The following IL9R variants were observed in gnomAD, a reference collection of about 807,000 sequenced individuals.
IL9R encodes interleukin-9 receptor.
In IL9R, 54 loss-of-function variants were observed where a neutral mutation model predicts 56.3. The ratio of observed to expected loss-of-function variants is 0.96; its 90% CI spans 0.77 to 1.20. The LOEUF (loss-of-function observed/expected upper bound fraction) is 1.20, where lower values mean the gene tolerates loss of function less well. IL9R is among the 50% of genes most tolerant of loss of function. The pLI, the probability that IL9R is intolerant of heterozygous loss-of-function variation, is 0.00. For synonymous variants in IL9R, 212 were observed against 250.2 expected (o/e 0.85, Z 1.44); for missense variants, 545 against 629.8 (o/e 0.87, Z 1.44).
rs774965233 is a variant in IL9R at position 156,005,439 on chromosome X, G to A, written c.741G>A (p.Glu247=). ...EEERYTGQWS[E]WSQPVCFQAP... ...AGCGTTATACAGGCCAGTGGAGTGA[G>A]TGGAGCCAGCCTGTGTGCTTCCAGG... Residue 247 remains glutamate, a synonymous_variant, in exon 6 of 9, where the codon GAG becomes GAA. Coordinates refer to ENST00000244174, the MANE Select transcript of IL9R (RefSeq NM_002186.3). 1 of 1,613,064 alleles carries A rather than the reference G, an allele frequency of 6.2e-7. No individual in the cohort carries two copies. Among genetic ancestry groups the A allele is most frequent in the Non-Finnish European group, 8.5e-7 (1 of 1,179,854 alleles).
At chrX:155,998,119 G>A (rs913647466) in intron 1 of IL9R, among the ~76,000 whole-genome samples, 6 of 152,038 alleles carry the variant, frequency 3.9e-5, no homozygotes, top group East Asian at 1.9e-4. Flanking sequence ...CCTTTGTGGG[G>A]GTGCCTTTGT....
At chrX:156,002,593 C>T in intron 1 of IL9R, among the ~76,000 whole-genome samples, 1 of 152,246 alleles carries the variant, frequency 6.6e-6, no homozygotes, top group Non-Finnish European at 1.5e-5. Flanking sequence ...GATGACTGTC[C>T]CAGAGAGGAG....
intron 1 of IL9R, among the ~76,000 whole-genome samples, chrX:155,998,881 G>C (rs1469492109): frequency 6.6e-6 from 1 of 152,124 alleles, no homozygotes; most frequent in South Asian, 2.1e-4. Context: ...GTTTTGGGCA[G>C]AGCAGGCGAC....
At chrX:156,004,340 C>T in intron 4 of IL9R, 80 bp from the exon 5 acceptor site, 1 of 1,469,512 alleles carries the variant, frequency 6.8e-7, no homozygotes, top group Non-Finnish European at 9.5e-7. Flanking sequence ...GGGAGTCTTT[C>T]AGACCCCAGT....
At chrX:156,004,399 C>T (rs2067762085) in intron 4 of IL9R, 21 bp from the exon 5 acceptor site, 2 of 1,613,678 alleles carry the variant, frequency 1.2e-6, no homozygotes, top group Non-Finnish European at 1.7e-6. Context: ...TTCAGCCTCA[C>T]ATGGATTCAC....
At chrX:156,003,585 C>T in intron 3 of IL9R, 25 bp downstream of exon 3, 1 of 1,608,636 alleles carries the variant, frequency 6.2e-7, no homozygotes, top group Non-Finnish European at 8.5e-7. Context: ...CCATGCCCAC[C>T]TGGACAGGGA....
intron 1 of IL9R, among the ~76,000 whole-genome samples, chrX:155,998,030 G>A (rs2067256397): frequency 2.0e-5 from 3 of 152,134 alleles, no homozygotes; most frequent in Non-Finnish European, 2.9e-5. Flanking sequence ...GGGTTCTGCT[G>A]TGGCCAGTGT....
At chrX:156,005,800 C>T (rs911235244) in intron 6 of IL9R, among the ~76,000 whole-genome samples, 5 of 152,176 alleles carry the variant, frequency 3.3e-5, no homozygotes, top group South Asian at 4.2e-4. Context: ...CTGACCCTTG[C>T]GCACTGCAGT....
At chrX:155,998,400 G>T (rs918153704) in intron 1 of IL9R, among the ~76,000 whole-genome samples, 121 of 151,882 alleles carry the variant, frequency 8.0e-4, no homozygotes, top group African/African-American at 2.9e-3. Flanking sequence ...TCAGTTTCCT[G>T]GGGTCTGGAT....
At chrX:156,004,346 C>T in intron 4 of IL9R, 74 bp from the exon 5 acceptor site, 1 of 1,510,080 alleles carries the variant, frequency 6.6e-7, no homozygotes, top group South Asian at 1.1e-5. Flanking sequence ...CTTTCAGACC[C>T]CAGTCTTGTG....
rs1315200769 is a variant in IL9R at position 156,003,673 on chromosome X, C to T, written c.255-4C>T. 1.2e-6 allele frequency: 2 copies of T among 1,612,604 alleles called. No homozygotes were observed. Among genetic ancestry groups the T allele is most frequent in the Non-Finnish European group, 1.7e-6 (2 of 1,179,228 alleles). On this transcript the variant is annotated splice_polypyrimidine_tract_variant and splice_region_variant and intron_variant, in intron 3 of 8. Transcript: ENST00000244174. Reference sequence around the variant, plus strand: ...CCCGTGGTGCTGACAAATGCCCTTTCCAGCAACCAGGCTCCTGGCGGCACA... The same window carrying T: ...CCCGTGGTGCTGACAAATGCCCTTTTCAGCAACCAGGCTCCTGGCGGCACA...
At chrX:156,003,892 G>T in intron 4 of IL9R, 37 bp downstream of exon 4, 2 of 1,608,158 alleles carry the variant, frequency 1.2e-6, no homozygotes, top group East Asian at 2.2e-5. Flanking sequence ...GGGGCCGCTT[G>T]GCAAGAACAT....
Position 156,002,933 on chromosome X carries a change from G to A in IL9R, c.56G>A (p.Arg19Lys), listed in dbSNP as rs766705043. ...EGWTLESEAL[R>K]RDMGTWLLAC... is the part of the protein sequence containing the mutation. ...TGGACCTTGGAGAGTGAGGCCCTGA[G>A]GCGAGACATGGGCACCTGGCTCCTG... The change falls in exon 2 of 9, where the codon AGG (arginine) becomes AAG (lysine). Residue 19 changes from arginine (R) to lysine (K), a missense_variant. This residue lies in a region of IL9R where 431 missense variants were observed against 360.0 expected (regional missense o/e 1.20). Transcript: ENST00000244174. 2.5e-6 allele frequency: 4 copies of A among 1,613,942 alleles called. No individual in the cohort carries two copies.
At chrX:156,007,150 G>T (rs2068027533) in intron 7 of IL9R, among the ~76,000 whole-genome samples, 1 of 149,528 alleles carries the variant, frequency 6.7e-6, no homozygotes, top group Admixed American at 6.7e-5. Flanking sequence ...CAGCAAGTCT[G>T]GTGCTCAGGG....
At chrX:156,006,940 G>A (rs758878474) in intron 7 of IL9R, among the ~76,000 whole-genome samples, 188 of 151,190 alleles carry the variant, frequency 1.2e-3, no homozygotes, top group African/African-American at 4.3e-3. Flanking sequence ...TGAAAGAAGT[G>A]GAGATAGAGA....
In IL9R at chrX:156,006,101, G is replaced by A. The variant is rs1344068705; in HGVS notation, c.800G>A (p.Trp267Ter). ...PQRQGPLIPP[W>*]GWPGNTLVAV... ...TCCACAGGCCCTCTGATCCCACCCT[G>A]GGGGTGGCCAGGCAACACCCTTGTT... Residue 267 changes from tryptophan to a stop codon, truncating the protein, a stop_gained, in exon 7 of 9, where the codon TGG (tryptophan) becomes TAG (stop). Transcript: ENST00000244174. LOFTEE classifies it high-confidence loss of function. 6.3e-7 allele frequency: 1 copy of A among 1,598,876 alleles called. No homozygotes were observed. The highest frequency in any genetic ancestry group is 1.7e-5 in the Admixed American group (1 of 59,968).
intron 5 of IL9R, 128 bp downstream of exon 5, chrX:156,004,693 G>T: frequency 3.3e-6 from 3 of 908,306 alleles, no homozygotes; most frequent in Non-Finnish European, 5.2e-6. Context: ...AGCGGGGTGT[G>T]TGTGCACACA....
intron 8 of IL9R, among the ~76,000 whole-genome samples, chrX:156,008,869 CTG>C (rs1283159353): frequency 0.019 from 2,769 of 147,170 alleles, 4 homozygotes; most frequent in East Asian, 0.038. Flanking sequence ...GTGTGTGTGT[CTG>C]TGTGTGTGTG....
At position 156,005,407 on chromosome X, in the gene IL9R, G is replaced by A; in HGVS notation, c.709G>A (p.Glu237Lys). 2 of 1,613,224 alleles carry A rather than the reference G, an allele frequency of 1.2e-6. No homozygotes were observed. Among genetic ancestry groups the A allele is most frequent in the Non-Finnish European group, 1.7e-6 (2 of 1,179,842 alleles). ...QMATLEDDVV[E>K]EERYTGQWSE... ...GGCCACACTGGAGGATGATGTGGTA[G>A]AGGAGGAGCGTTATACAGGCCAGTG... The change falls in exon 6 of 9, where the codon GAG becomes AAG. Residue 237 changes from glutamate (E) to lysine (K), a missense_variant. By Grantham distance (56) the Glu-to-Lys change is moderately conservative. Coordinates refer to ENST00000244174, the MANE Select transcript of IL9R (RefSeq NM_002186.3).
Sources: allele counts gnomAD v4.1 joint callset (sites outside exome capture counted in the v4.1 genomes callset), GRCh38; gene constraint gnomAD v4.1.1; regional missense constraint gnomAD v4.1.1; transcripts MANE v1.5; gene names NCBI Gene and HGNC (gene_info 2026-07-23, HGNC 2026-07-21).